KCNB2: variants seen among roughly 807,000 people sequenced by gnomAD.
KCNB2 encodes the protein potassium voltage-gated channel subfamily B member 2, also known as delayed rectifier potassium channel protein.
Under a neutral mutation model 61.5 loss-of-function variants are expected in KCNB2, and 15 were observed. The ratio of observed to expected loss-of-function variants is 0.24; its 90% CI spans 0.16 to 0.38. KCNB2 has a LOEUF of 0.38. Among genes scored for constraint, KCNB2 ranks in the 10% least tolerant of loss-of-function variants. The pLI is 1.00. For missense variants in KCNB2, 828 were observed against 1,125.2 expected, an observed-to-expected ratio of 0.74 and a Z score of 3.78; for synonymous variants, 457 against 446.0, an observed-to-expected ratio of 1.02 and a Z score of -0.31.
At chr8:72,928,753 A>G (rs1212522515) in intron 2 of KCNB2, among the ~76,000 whole-genome samples, 1 of 151,208 alleles carries the variant, frequency 6.6e-6, no homozygotes, top group Non-Finnish European at 1.5e-5. Flanking sequence ...GAGACAGGTC[A>G]AGTTCACCTG....
At position 72,937,108 on chromosome 8, in the gene KCNB2, C is replaced by G. The variant is rs1806923802; in HGVS notation, c.1753C>G (p.Gln585Glu). 6.2e-7 allele frequency: 1 copy of G among 1,614,054 alleles called. No individual in the cohort carries two copies. The highest frequency in any genetic ancestry group is 1.3e-5 in the African/African-American group (1 of 74,928). Residue 585 changes from glutamine (Q) to glutamate (E), a missense_variant, in exon 3 of 3, where the codon CAG becomes GAG. Gln to Glu is a conservative substitution (Grantham distance 29). Around this residue, in one of 4 missense-constraint regions of KCNB2, gnomAD observed 559 missense variants for 588.4 expected, o/e 0.95. Transcript: ENST00000523207. ...EMEEVVCPQEQLAVAQTEVIV... is the reference protein window; with the variant it reads ...EMEEVVCPQEELAVAQTEVIV... ...GGAAGAAGTGGTGTGTCCACAGGAG[C>G]AGCTGGCCGTGGCACAGACCGAGGT... is the stretch of plus-strand genomic sequence containing the variant.
chr8:72,577,340 A>G (rs542241038), intron 2 of KCNB2, among the ~76,000 whole-genome samples: 4 of 152,066 alleles, frequency 2.6e-5, no homozygotes, highest in Non-Finnish European at 4.4e-5. Context: ...ATAGAGAGAG[A>G]GAGATGTTAC....
intron 2 of KCNB2, among the ~76,000 whole-genome samples, chr8:72,588,475 G>T (rs1807035759): frequency 6.6e-6 from 1 of 151,936 alleles, no homozygotes; most frequent in Non-Finnish European, 1.5e-5. Context: ...CCAACCCCAG[G>T]TGATCCGCCC....
intron 2 of KCNB2, among the ~76,000 whole-genome samples, chr8:72,920,870 T>C (rs1390935962): frequency 6.6e-6 from 1 of 151,712 alleles, no homozygotes; most frequent in Non-Finnish European, 1.5e-5. Flanking sequence ...CAATAAAAGA[T>C]CAAAAATACA....
At chr8:72,723,951 G>A (rs1007336368) in intron 2 of KCNB2, among the ~76,000 whole-genome samples, 13 of 152,100 alleles carry the variant, frequency 8.5e-5, no homozygotes, top group African/African-American at 3.1e-4. Flanking sequence ...TTCCTGTATC[G>A]ATTTTTTTTG....
intron 2 of KCNB2, among the ~76,000 whole-genome samples, chr8:72,688,017 A>G (rs1445904658): frequency 6.6e-6 from 1 of 152,152 alleles, no homozygotes; most frequent in Non-Finnish European, 1.5e-5. Context: ...TCTCCTCTTT[A>G]CTGGAGATAG....
At chr8:72,786,735 T>C (rs1466232494) in intron 2 of KCNB2, among the ~76,000 whole-genome samples, 2 of 152,186 alleles carry the variant, frequency 1.3e-5, no homozygotes, top group African/African-American at 4.8e-5. Context: ...TGCTTAATTC[T>C]GAATATTTCA....
intron 2 of KCNB2, among the ~76,000 whole-genome samples, chr8:72,889,060 G>A (rs995925968): frequency 1.3e-5 from 2 of 152,136 alleles, no homozygotes; most frequent in Non-Finnish European, 2.9e-5. Flanking sequence ...GCACAGTAGA[G>A]AGCACACTCT....
chr8:72,576,782 T>A (rs892446063), intron 2 of KCNB2, among the ~76,000 whole-genome samples: 3 of 152,180 alleles, frequency 2.0e-5, no homozygotes, highest in Non-Finnish European at 4.4e-5. Context: ...AAGCAAAACA[T>A]TGAAGGACTT....
At chr8:72,608,687 A>G (rs1805491846) in intron 2 of KCNB2, among the ~76,000 whole-genome samples, 1 of 152,202 alleles carries the variant, frequency 6.6e-6, no homozygotes, top group South Asian at 2.1e-4. Flanking sequence ...CTGATAAAAA[A>G]TAGAAATTAC....
intron 2 of KCNB2, among the ~76,000 whole-genome samples, chr8:72,779,479 C>CT (rs146131811): frequency 0.14 from 20,936 of 152,188 alleles, 1,592 homozygotes; most frequent in African/African-American, 0.19. Flanking sequence ...TGCCAGAAAT[C>CT]TCCCCAGCCA....
At chr8:72,716,321 C>G (rs1807439525) in intron 2 of KCNB2, among the ~76,000 whole-genome samples, 1 of 152,096 alleles carries the variant, frequency 6.6e-6, no homozygotes, top group African/African-American at 2.4e-5. Flanking sequence ...ATGAGGCCAG[C>G]ATCATCCTGA....
intron 2 of KCNB2, among the ~76,000 whole-genome samples, chr8:72,767,087 G>T (rs1236008760): frequency 6.6e-6 from 1 of 152,132 alleles, no homozygotes; most frequent in African/African-American, 2.4e-5. Context: ...CAGCACCCAT[G>T]ATTCAATTAC....
chr8:72,627,514 C>T (rs1805808348), intron 2 of KCNB2, among the ~76,000 whole-genome samples: 1 of 152,154 alleles, frequency 6.6e-6, no homozygotes, highest in Non-Finnish European at 1.5e-5. Flanking sequence ...CATTTTGATA[C>T]ATTAGAGAAC....
chr8:72,813,045 A>G (rs1371776), intron 2 of KCNB2, among the ~76,000 whole-genome samples: 44,227 of 152,096 alleles, frequency 0.29, 6,866 homozygotes, highest in South Asian at 0.51. Flanking sequence ...CTTGGTTGCT[A>G]GAGATACAGA....
intron 2 of KCNB2, among the ~76,000 whole-genome samples, chr8:72,903,448 G>A (rs1350398064): frequency 6.6e-6 from 1 of 152,158 alleles, no homozygotes; most frequent in Non-Finnish European, 1.5e-5. Context: ...GGACATGATG[G>A]TGCATGCCTG....
intron 2 of KCNB2, among the ~76,000 whole-genome samples, chr8:72,642,857 T>A (rs1046342027): frequency 2.0e-5 from 3 of 152,180 alleles, no homozygotes; most frequent in African/African-American, 7.2e-5. Context: ...TGTAGCACTT[T>A]GTTGAAATAA....
In KCNB2 at chr8:72,937,852, TG is replaced by T; in HGVS notation, c.2498del (p.Cys833SerfsTer13). The T allele has an allele frequency of 6.2e-7, 1 of 1,614,030 alleles. No homozygotes were observed. Among genetic ancestry groups the T allele is most frequent in the Non-Finnish European group, 8.5e-7 (1 of 1,180,008 alleles). ...EEKQVDSSPN[C>X]FADKPSDGRD... ...GAAGCAGGTGGACTCCAGCCCAAAT[TG>T]CTTTGCAGATAAGCCTAGTGATGGG... On this transcript the variant is annotated frameshift_variant, in exon 3 of 3. Transcript: ENST00000523207. LOFTEE classifies it high-confidence loss of function.
chr8:72,900,158 A>G (rs1469972325), intron 2 of KCNB2, among the ~76,000 whole-genome samples: 1 of 152,198 alleles, frequency 6.6e-6, no homozygotes, highest in Admixed American at 6.5e-5. Context: ...CACATAGAAC[A>G]ATGGAACAGA....
Sources: gnomAD v4.1 joint callset for allele counts (sites outside exome capture counted in the v4.1 genomes callset) on GRCh38, gnomAD v4.1.1 for gene constraint, gnomAD v4.1.1 regional missense constraint, MANE v1.5 for transcripts, NCBI Gene and HGNC (gene_info 2026-07-23, HGNC 2026-07-21) for gene names.